The following CCDC186 variants were observed in gnomAD, a reference collection of about 807,000 sequenced individuals.
The protein encoded by CCDC186 is coiled-coil domain containing 186, also known as coiled-coil domain-containing protein 186.
A neutral mutation model predicts 113.7 loss-of-function variants in CCDC186; 49 were observed. The ratio of observed to expected loss-of-function variants is 0.43; its 90% CI spans 0.34 to 0.55. The LOEUF (loss-of-function observed/expected upper bound fraction) is 0.55. Ranked by LOEUF, CCDC186 falls within the 20% of genes least tolerant of loss-of-function variation. CCDC186 has a pLI of 0.02. For synonymous variants in CCDC186, 355 were observed against 345.8 expected (o/e 1.03, Z -0.30); for missense variants, 890 against 1,011.1 (o/e 0.88, Z 1.62).
chr10:114,122,809 A>C lies in CCDC186; in HGVS notation c.*2334T>G, dbSNP rs2030770707. ...GACAGTGAAGAACAGAAGAAAACTA[A>C]AGCATTTTCTTTAAAAAATTTCCAG... is the stretch of plus-strand genomic sequence containing the variant. On this transcript the variant is annotated 3_prime_UTR_variant, in exon 16 of 16. Transcript: ENST00000369287. 1 of 152,198 alleles carries C rather than the reference A, an allele frequency of 6.6e-6. No homozygotes were observed. Among genetic ancestry groups the C allele is most frequent in the African/African-American group, 2.4e-5 (1 of 41,456 alleles). 9.4% of individuals were successfully genotyped at this position (152,198 alleles called of 1,614,324 possible). A position where few individuals can be genotyped will look rare whatever the true frequency, so the allele number is the denominator to read the frequency against.
chr10:114,127,618 A>T lies in CCDC186; in HGVS notation c.2236T>A (p.Ser746Thr). Residue 746 changes from serine (S) to threonine (T), a missense_variant, in exon 14 of 16, where the codon TCC becomes ACC. Coordinates refer to ENST00000369287, the MANE Select transcript of CCDC186 (RefSeq NM_018017.4). ...GGAAAGTTATCCACAGCTACTGAGGACCCAGTATTTTCTGGAGATCGATCT... is the reference window on the plus strand; with the variant it reads ...GGAAAGTTATCCACAGCTACTGAGGTCCCAGTATTTTCTGGAGATCGATCT... ...AEDRSPENTG[S>T]SVAVDNFPQV... The T allele has an allele frequency of 1.2e-6, 2 of 1,613,988 alleles. No individual in the cohort carries two copies. Among genetic ancestry groups the T allele is most frequent in the Non-Finnish European group, 1.7e-6 (2 of 1,179,990 alleles).
intron 4 of CCDC186, among the ~76,000 whole-genome samples, chr10:114,147,741 T>A (rs2031688714): frequency 6.6e-6 from 1 of 152,164 alleles, no homozygotes. Flanking sequence ...TTTAGTAAGA[T>A]AACTGGTAGC....
At chr10:114,144,709 C>G in intron 5 of CCDC186, 93 bp from the exon 6 acceptor site, 2 of 1,152,868 alleles carry the variant, frequency 1.7e-6, no homozygotes, top group South Asian at 3.3e-5. Flanking sequence ...TCCAGTAACA[C>G]TATAATCAAG....
chr10:114,160,586 T>C (rs1304085068), intron 2 of CCDC186, among the ~76,000 whole-genome samples: 3 of 152,024 alleles, frequency 2.0e-5, no homozygotes, highest in African/African-American at 4.8e-5. Flanking sequence ...ACTAACTTGA[T>C]TGTGGTAATC....
In CCDC186 at chr10:114,127,509, A is replaced by G; in HGVS notation, c.2345T>C (p.Met782Thr). The change falls in exon 14 of 16, where the codon ATG becomes ACG. Residue 782 changes from methionine to threonine, a missense_variant. By Grantham distance (81) the Met-to-Thr change is moderately conservative (BLOSUM62 -1). Coordinates refer to ENST00000369287, the MANE Select transcript of CCDC186 (RefSeq NM_018017.4). ...HARKNEKIEFMEDHIKQLVEE... is the reference protein window; with the variant it reads ...HARKNEKIEFTEDHIKQLVEE... Reference sequence around the variant, plus strand: ...CACCAGTTGTTTGATGTGGTCCTCCATAAATTCTATCTTTTCATTTTTCCG... The same window carrying G: ...CACCAGTTGTTTGATGTGGTCCTCCGTAAATTCTATCTTTTCATTTTTCCG... 6.2e-7 allele frequency: 1 copy of G among 1,614,010 alleles called. No individual in the cohort carries two copies. Among genetic ancestry groups the G allele is most frequent in the South Asian group, 1.1e-5 (1 of 91,080 alleles).
rs1210896054 is a variant in CCDC186 at position 114,122,325 on chromosome 10, C to CA, written c.*2817dup. The CA allele has an allele frequency of 2.2e-4, 34 of 152,016 alleles. No homozygotes were observed. The highest frequency in any genetic ancestry group is 7.5e-4 in the African/African-American group (31 of 41,494). 9.4% of individuals were successfully genotyped at this position (152,016 alleles called of 1,614,324 possible). A position where few individuals can be genotyped will look rare whatever the true frequency, so the allele number is the denominator to read the frequency against. On this transcript the variant is annotated 3_prime_UTR_variant, in exon 16 of 16. Transcript: ENST00000369287. ...TGGTTATGAAGATAGAAAGTAAAAA[C>CA]AAAAAAACCCCATCAAAGTTCAAAT... is the stretch of plus-strand genomic sequence containing the variant.
chr10:114,155,704 AAAAT>A (rs1444576038), intron 3 of CCDC186, among the ~76,000 whole-genome samples: 1 of 152,146 alleles, frequency 6.6e-6, no homozygotes, highest in Non-Finnish European at 1.5e-5. Context: ...AATAAAATAA[AAAAT>A]AAAAATTACA....
intron 1 of CCDC186, among the ~76,000 whole-genome samples, chr10:114,166,974 C>T (rs2032351308): frequency 6.7e-6 from 1 of 148,918 alleles, no homozygotes; most frequent in African/African-American, 2.5e-5. Flanking sequence ...TAAGAAAAAT[C>T]ATGTAAATTG....
chr10:114,173,701 C>A (rs2032596093), intron 1 of CCDC186, among the ~76,000 whole-genome samples: 3 of 152,256 alleles, frequency 2.0e-5, no homozygotes, highest in Admixed American at 2.0e-4. Flanking sequence ...GCAGCCCAGG[C>A]AATGGGCTCG....
rs370103040 is a variant in CCDC186, at chr10:114,125,104, T to C, written c.*39A>G. On this transcript the variant is annotated 3_prime_UTR_variant, in exon 16 of 16. Transcript: ENST00000369287. ...AATAGAGGTCAGTGGCACCTACTCC[T>C]GTGTGGCTTTTGTCTCTTTACTGAG... The C allele has an allele frequency of 5.9e-5, 87 of 1,468,550 alleles. No individual in the cohort carries two copies. Among genetic ancestry groups the C allele is most frequent in the Middle Eastern group, 1.8e-4 (1 of 5,696 alleles). The allele number at this position is 1,468,550 out of a possible 1,614,324, so 91.0% of individuals were successfully genotyped here.
chr10:114,166,643 C>T (rs1401423660), intron 1 of CCDC186, among the ~76,000 whole-genome samples: 3 of 152,224 alleles, frequency 2.0e-5, no homozygotes, highest in Non-Finnish European at 4.4e-5. Flanking sequence ...TTCTCTACTA[C>T]ATTTACACGC....
chr10:114,137,566 C>A (rs1564908164), intron 6 of CCDC186, among the ~76,000 whole-genome samples: 1 of 152,190 alleles, frequency 6.6e-6, no homozygotes, highest in Non-Finnish European at 1.5e-5. Context: ...TGTACACACA[C>A]ATCAAAGACA....
At chr10:114,155,496 G>A (rs920407968) in intron 3 of CCDC186, among the ~76,000 whole-genome samples, 1 of 152,124 alleles carries the variant, frequency 6.6e-6, no homozygotes, top group African/African-American at 2.4e-5. Context: ...CTAACATGGT[G>A]AAACCCTGTC....
chr10:114,173,807 G>C (rs2032605138), intron 1 of CCDC186, among the ~76,000 whole-genome samples: 1 of 152,206 alleles, frequency 6.6e-6, no homozygotes, highest in African/African-American at 2.4e-5. Flanking sequence ...GGCAGGGAGA[G>C]GAAAGGGCTT....
chr10:114,166,548 G>A (rs1366655120), intron 1 of CCDC186, among the ~76,000 whole-genome samples: 1 of 152,164 alleles, frequency 6.6e-6, no homozygotes, highest in Non-Finnish European at 1.5e-5. Context: ...CTTTGTACTT[G>A]CACGAAGATG....
intron 4 of CCDC186, 97 bp downstream of exon 4, chr10:114,150,995 A>G: frequency 1.4e-6 from 2 of 1,418,290 alleles, no homozygotes; most frequent in Non-Finnish European, 1.9e-6. Context: ...TATTAATACA[A>G]TAGTGAGGTC....
chr10:114,162,147 A>G (rs1410142502), intron 2 of CCDC186: 1 of 152,650 alleles, frequency 6.6e-6, no homozygotes, highest in Non-Finnish European at 1.5e-5. Context: ...ACACATAAAA[A>G]TGGTTAAGAT....
At chr10:114,165,689 C>CA (rs981127278) in intron 1 of CCDC186, among the ~76,000 whole-genome samples, 1 of 149,546 alleles carries the variant, frequency 6.7e-6, no homozygotes, top group African/African-American at 2.5e-5. Flanking sequence ...GACTCTGTCT[C>CA]AAAAAAAAAT....
intron 3 of CCDC186, among the ~76,000 whole-genome samples, chr10:114,154,845 G>T (rs1257954100): frequency 6.6e-6 from 1 of 152,104 alleles, no homozygotes; most frequent in Non-Finnish European, 1.5e-5. Context: ...TGATGAAGGG[G>T]TAAACAAAAT....
Sources: gnomAD v4.1 joint callset for allele counts (sites outside exome capture counted in the v4.1 genomes callset) on GRCh38, gnomAD v4.1.1 for gene constraint, MANE v1.5 for transcripts, NCBI Gene and HGNC (gene_info 2026-07-23, HGNC 2026-07-21) for gene names.